The following DLGAP2 variants were observed in gnomAD, a reference collection of about 807,000 sequenced individuals.
The protein encoded by DLGAP2 is DLG associated protein 2, also known as disks large-associated protein 2.
DLGAP2 carries 26 observed loss-of-function variants against 100.3 expected under a neutral mutation model. The ratio of observed to expected loss-of-function variants is 0.26; its 90% confidence interval spans 0.19 to 0.36. DLGAP2 has a LOEUF of 0.36. Among genes scored for constraint, DLGAP2 ranks in the 10% least tolerant of loss-of-function variants. The pLI is 1.00. For synonymous variants in DLGAP2, 886 were observed against 630.1 expected, an observed-to-expected ratio of 1.41 and a Z score of -6.08; for missense variants, 1,858 against 1,453.2, an observed-to-expected ratio of 1.28 and a Z score of -4.53.
intron 1 of DLGAP2, among the ~76,000 whole-genome samples, chr8:859,207 G>A (rs960161618): frequency 1.3e-5 from 2 of 151,772 alleles, no homozygotes; most frequent in Admixed American, 6.6e-5. Context: ...CACCTCCTGG[G>A]TTCAAGTGAT....
rs184142395 is a variant in DLGAP2, at chr8:997,296, C to G, written c.73+89330C>G. ...TATTGAAATTAATTCATGAAAATTA[C>G]AAAATATTACATTCAAAAATGCTAT... On this transcript the variant is annotated intron_variant, in intron 2 of 14. Transcript: ENST00000637795. Among the ~76,000 whole-genome samples the G allele has an allele frequency of 1.3e-3, 191 of 152,268 alleles. 2 individuals are homozygous for G. The highest frequency in any genetic ancestry group is 0.01 in the Middle Eastern group (3 of 294).
At chr8:778,188 C>T (rs1034461185) in intron 1 of DLGAP2, among the ~76,000 whole-genome samples, 1 of 152,240 alleles carries the variant, frequency 6.6e-6, no homozygotes, top group Admixed American at 6.5e-5. Flanking sequence ...CCTTGGTTTT[C>T]AGCTCCATCA....
intron 2 of DLGAP2, among the ~76,000 whole-genome samples, chr8:987,412 C>A (rs1366779808): frequency 6.6e-6 from 1 of 152,180 alleles, no homozygotes; most frequent in Non-Finnish European, 1.5e-5. Context: ...GGCATCATCA[C>A]CTCCCTTGGC....
At chr8:1,561,258 C>T (rs1295322865) in intron 5 of DLGAP2, among the ~76,000 whole-genome samples, 2 of 138,044 alleles carry the variant, frequency 1.4e-5, no homozygotes, top group Non-Finnish European at 3.2e-5. Context: ...TTATAAATTG[C>T]CCAGTCTGGG....
intron 6 of DLGAP2, among the ~76,000 whole-genome samples, chr8:1,607,702 G>T (rs1451703217): frequency 6.6e-6 from 1 of 152,250 alleles, no homozygotes; most frequent in East Asian, 1.9e-4. Flanking sequence ...GCGAGCCGAA[G>T]CAGGGCGAGG....
intron 6 of DLGAP2, among the ~76,000 whole-genome samples, chr8:1,620,919 C>A (rs1438326593): frequency 6.6e-6 from 1 of 152,200 alleles, no homozygotes; most frequent in Non-Finnish European, 1.5e-5. Context: ...CCAAACTTCT[C>A]TCCCAGAATG....
chr8:1,433,939 C>G (rs924088634), intron 3 of DLGAP2, among the ~76,000 whole-genome samples: 1 of 152,120 alleles, frequency 6.6e-6, no homozygotes, highest in Non-Finnish European at 1.5e-5. Context: ...AATAACACCT[C>G]TTTGCAAACC....
At chr8:986,530 C>A (rs1374784532) in intron 2 of DLGAP2, among the ~76,000 whole-genome samples, 1 of 151,872 alleles carries the variant, frequency 6.6e-6, no homozygotes, top group African/African-American at 2.4e-5. Flanking sequence ...ACAGCTAAAA[C>A]AAAGTTTCTT....
At chr8:1,212,556 GGA>G (rs1238739275) in intron 2 of DLGAP2, among the ~76,000 whole-genome samples, 2 of 152,070 alleles carry the variant, frequency 1.3e-5, no homozygotes, top group Non-Finnish European at 2.9e-5. Context: ...GCAGTGTAGT[GGA>G]GAGAGAGACG....
chr8:1,170,210 G>C (rs1328804208), intron 2 of DLGAP2, among the ~76,000 whole-genome samples: 1 of 152,192 alleles, frequency 6.6e-6, no homozygotes, highest in Non-Finnish European at 1.5e-5. Flanking sequence ...TATTGAACCA[G>C]CCTTGCATCC....
chr8:885,634 C>A (rs890545131), intron 1 of DLGAP2, among the ~76,000 whole-genome samples: 1 of 152,168 alleles, frequency 6.6e-6, no homozygotes, highest in Non-Finnish European at 1.5e-5. Context: ...TGCCTGATTG[C>A]CCTGGACAGA....
At chr8:1,193,725 G>A (rs752302768) in intron 2 of DLGAP2, among the ~76,000 whole-genome samples, 2 of 152,056 alleles carry the variant, frequency 1.3e-5, no homozygotes, top group South Asian at 2.1e-4. Context: ...TGAGACTCCC[G>A]GACAGCATCC....
intron 2 of DLGAP2, among the ~76,000 whole-genome samples, chr8:1,177,472 C>T (rs573169801): frequency 1.3e-5 from 2 of 152,096 alleles, no homozygotes; most frequent in African/African-American, 4.8e-5. Flanking sequence ...GCACGAGACC[C>T]GATTCTGAAT....
At chr8:1,154,351 G>A (rs1329189528) in intron 2 of DLGAP2, among the ~76,000 whole-genome samples, 2 of 152,140 alleles carry the variant, frequency 1.3e-5, no homozygotes, top group Non-Finnish European at 2.9e-5. Flanking sequence ...GCGTGGAGAT[G>A]TGCCAGTATT....
At chr8:739,155 G>A (rs1820414157) in intron 1 of DLGAP2, 1 of 152,406 alleles carries the variant, frequency 6.6e-6, no homozygotes, top group African/African-American at 2.4e-5. Context: ...CGGGCTGTGG[G>A]GGGTTTGGGA....
intron 1 of DLGAP2, among the ~76,000 whole-genome samples, chr8:764,417 G>A (rs926496878): frequency 6.6e-6 from 1 of 152,014 alleles, no homozygotes; most frequent in Non-Finnish European, 1.5e-5. Context: ...TTACATAAAC[G>A]CCTATTATAT....
chr8:888,880 T>C (rs907263553), intron 1 of DLGAP2, among the ~76,000 whole-genome samples: 3 of 152,188 alleles, frequency 2.0e-5, no homozygotes, highest in African/African-American at 7.2e-5. Context: ...GCAGGTTTCA[T>C]GCTTGTCCGT....
intron 1 of DLGAP2, among the ~76,000 whole-genome samples, chr8:788,183 G>C (rs7015256): frequency 6.6e-6 from 1 of 152,140 alleles, no homozygotes; most frequent in Non-Finnish European, 1.5e-5. Flanking sequence ...AAGCTGGTAC[G>C]TCGCTCCCAA....
intron 6 of DLGAP2, among the ~76,000 whole-genome samples, chr8:1,602,999 C>A (rs910840113): frequency 4.6e-5 from 7 of 152,198 alleles, no homozygotes; most frequent in African/African-American, 1.4e-4. Context: ...AGAGTGGAGG[C>A]TGGGTCTCAG....
Sources: allele counts gnomAD v4.1 joint callset (sites outside exome capture counted in the v4.1 genomes callset), GRCh38; gene constraint gnomAD v4.1.1; transcripts MANE v1.5; gene names NCBI Gene and HGNC (gene_info 2026-07-23, HGNC 2026-07-21).